Variants in CSMD1 observed in about 807,000 individuals in gnomAD.
The protein encoded by CSMD1 is CUB and Sushi multiple domains 1.
In CSMD1, 213 loss-of-function variants were observed where a neutral mutation model predicts 417.5. That is an observed-to-expected ratio of 0.51 (90% confidence interval 0.46 to 0.57). The LOEUF (loss-of-function observed/expected upper bound fraction) is 0.57. Ranked by LOEUF, CSMD1 falls within the 20% of genes least tolerant of loss-of-function variation. The pLI is 0.00. For synonymous variants in CSMD1, 2,862 were observed against 1,736.8 expected (o/e 1.65, Z -16.11); for missense variants, 6,923 against 4,529.7 (o/e 1.53, Z -15.17).
intron 3 of CSMD1, among the ~76,000 whole-genome samples, chr8:4,185,492 G>A (rs978804723): frequency 6.6e-6 from 1 of 151,962 alleles, no homozygotes; most frequent in Non-Finnish European, 1.5e-5. Flanking sequence ...TCCATTCAGG[G>A]AATCCGAAAA....
intron 2 of CSMD1, among the ~76,000 whole-genome samples, chr8:4,532,589 C>T (rs1563262749): frequency 6.7e-6 from 1 of 148,672 alleles, no homozygotes; most frequent in Non-Finnish European, 1.5e-5. Context: ...CATTCAGTCA[C>T]TCTGGAAGAG....
chr8:4,438,828 A>C lies in CSMD1; in HGVS notation c.303-18763T>G, dbSNP rs143341008. ...GCTTATTATTCAAGATCTAATTCTC[A>C]AAATTGAAAGGTGTATTATCTGAAT... On this transcript the variant is annotated intron_variant, in intron 2 of 69. Coordinates refer to ENST00000635120, the MANE Select transcript of CSMD1 (RefSeq NM_033225.6). 4.7e-3 allele frequency among the ~76,000 whole-genome samples: 717 copies of C among 152,336 alleles called. 2 individuals are homozygous for C. Among genetic ancestry groups the C allele is most frequent in the African/African-American group, 0.016 (672 of 41,586 alleles).
chr8:4,702,951 C>T (rs1194808186), intron 1 of CSMD1, among the ~76,000 whole-genome samples: 1 of 152,016 alleles, frequency 6.6e-6, no homozygotes, highest in East Asian at 1.9e-4. Context: ...CCCTTAGGGT[C>T]TCAAAATATA....
At chr8:3,815,180 T>C (rs1216261130) in intron 5 of CSMD1, among the ~76,000 whole-genome samples, 1 of 152,204 alleles carries the variant, frequency 6.6e-6, no homozygotes, top group Non-Finnish European at 1.5e-5. Context: ...GTTTCTATAG[T>C]CCCAGGTCAA....
At chr8:4,428,972 C>A (rs111450093) in intron 2 of CSMD1, among the ~76,000 whole-genome samples, 4,746 of 152,070 alleles carry the variant, frequency 0.031, 263 homozygotes, top group African/African-American at 0.11. Context: ...CCTCATCCTC[C>A]CAAAGTGCTG....
intron 2 of CSMD1, among the ~76,000 whole-genome samples, chr8:4,478,842 A>G (rs1288888221): frequency 6.6e-6 from 1 of 152,210 alleles, no homozygotes; most frequent in Non-Finnish European, 1.5e-5. Flanking sequence ...ATGCTTTGAC[A>G]TCCATACTTA....
At chr8:3,979,810 T>G (rs913883368) in intron 5 of CSMD1, among the ~76,000 whole-genome samples, 1 of 152,196 alleles carries the variant, frequency 6.6e-6, no homozygotes, top group Non-Finnish European at 1.5e-5. Flanking sequence ...GTTATGACAA[T>G]ACAAACCCAT....
At chr8:3,869,042 C>G (rs770644327) in intron 5 of CSMD1, among the ~76,000 whole-genome samples, 8 of 152,202 alleles carry the variant, frequency 5.3e-5, no homozygotes, top group Non-Finnish European at 1.2e-4. Flanking sequence ...TTACAGTGCC[C>G]TCAGGGTCCC....
chr8:4,799,945 C>G (rs6993597), intron 1 of CSMD1, among the ~76,000 whole-genome samples: 2 of 152,028 alleles, frequency 1.3e-5, no homozygotes, highest in African/African-American at 4.8e-5. Flanking sequence ...CATGTACCCT[C>G]GAACATGCAG....
rs183921503 is a variant in CSMD1, at chr8:4,592,362, A to G, written c.302+44980T>C. On this transcript the variant is annotated intron_variant, in intron 2 of 69. Transcript: ENST00000635120. The stretch of plus-strand genomic sequence containing the variant: ...TTGTCACAAATATTTTAAAAAATAT[A>G]CTCTTCCGTATTCATTTTCCTTGTT... Among the ~76,000 whole-genome samples the G allele has an allele frequency of 6.6e-5, 10 of 151,530 alleles. No homozygotes were observed. In the East Asian group the frequency reaches 1.9e-3, roughly 29 times the overall value.
chr8:4,292,746 T>C (rs1187913781), intron 3 of CSMD1, among the ~76,000 whole-genome samples: 1 of 152,214 alleles, frequency 6.6e-6, no homozygotes, highest in African/African-American at 2.4e-5. Context: ...AGTATCTTCA[T>C]CATTGTTCAA....
intron 3 of CSMD1, among the ~76,000 whole-genome samples, chr8:4,248,933 T>A (rs966658467): frequency 1.3e-5 from 2 of 152,198 alleles, no homozygotes; most frequent in African/African-American, 2.4e-5. Flanking sequence ...ATTTAATGCA[T>A]GTAGATGCAT....
chr8:3,386,422 T>C (rs1160226739), intron 18 of CSMD1, among the ~76,000 whole-genome samples: 2 of 152,182 alleles, frequency 1.3e-5, no homozygotes, highest in Non-Finnish European at 2.9e-5. Context: ...CTGAGAGGGC[T>C]CCAGCAGCTC....
At chr8:3,330,553 C>A (rs777748169) in intron 23 of CSMD1, among the ~76,000 whole-genome samples, 1 of 152,140 alleles carries the variant, frequency 6.6e-6, no homozygotes, top group Non-Finnish European at 1.5e-5. Context: ...GGTGTGAACT[C>A]ATGAACACAA....
At chr8:4,911,958 G>A (rs911587180) in intron 1 of CSMD1, among the ~76,000 whole-genome samples, 7 of 151,644 alleles carry the variant, frequency 4.6e-5, no homozygotes, top group Admixed American at 2.0e-4. Context: ...GCCCCACCCA[G>A]AAAGTTCAGT....
chr8:4,441,233 G>T (rs1019039769), intron 2 of CSMD1, among the ~76,000 whole-genome samples: 2 of 142,260 alleles, frequency 1.4e-5, no homozygotes, highest in African/African-American at 5.2e-5. Flanking sequence ...TGAGTAGCTG[G>T]AACTACAGGC....
chr8:3,728,552 T>C (rs2623745), intron 6 of CSMD1, among the ~76,000 whole-genome samples: 125,417 of 152,138 alleles, frequency 0.82, 52,689 homozygotes, highest in Non-Finnish European at 0.91. Flanking sequence ...GGTTTGCCTA[T>C]GTTCCAAGAG....
chr8:3,906,000 C>T (rs1028751651), intron 5 of CSMD1, among the ~76,000 whole-genome samples: 4 of 152,098 alleles, frequency 2.6e-5, no homozygotes, highest in Non-Finnish European at 4.4e-5. Context: ...GGTTGTTAGG[C>T]CTGGAGTTCT....
chr8:4,807,388 G>A (rs2117315049), intron 1 of CSMD1, among the ~76,000 whole-genome samples: 1 of 152,210 alleles, frequency 6.6e-6, no homozygotes, highest in African/African-American at 2.4e-5. Context: ...CTCACTGCCG[G>A]GTGGGAAACG....
Sources: allele counts gnomAD v4.1 joint callset (sites outside exome capture counted in the v4.1 genomes callset), GRCh38; gene constraint gnomAD v4.1.1; transcripts MANE v1.5; gene names NCBI Gene and HGNC (gene_info 2026-07-23, HGNC 2026-07-21).